The following KMT2C variants were observed in gnomAD, a reference collection of about 807,000 sequenced individuals.
KMT2C encodes histone-lysine N-methyltransferase 2C.
In KMT2C, 88 loss-of-function variants were observed where a neutral mutation model predicts 507.9. That is an observed-to-expected ratio of 0.17 (90% CI 0.15 to 0.21). The LOEUF (loss-of-function observed/expected upper bound fraction) is 0.21, where lower values mean the gene tolerates loss of function less well. Among genes scored for constraint, KMT2C ranks in the 10% least tolerant of loss-of-function variants. KMT2C has a pLI of 1.00. For synonymous variants in KMT2C, 2,049 were observed against 2,080.8 expected (o/e 0.98, Z 0.42); for missense variants, 4,954 against 5,957.8 (o/e 0.83, Z 5.55).
intron 1 of KMT2C, among the ~76,000 whole-genome samples, chr7:152,428,490 G>A (rs983819235): frequency 4.0e-5 from 6 of 149,516 alleles, no homozygotes; most frequent in African/African-American, 1.5e-4. Context: ...AACTAGCCGG[G>A]CATGGTGGTG....
At chr7:152,408,203 G>A (rs1410217077) in intron 1 of KMT2C, among the ~76,000 whole-genome samples, 2 of 152,202 alleles carry the variant, frequency 1.3e-5, no homozygotes, top group South Asian at 4.1e-4. Flanking sequence ...CATGAGAATC[G>A]CTGAATCCAG....
chr7:152,149,985 C>T (rs3800836), intron 51 of KMT2C, among the ~76,000 whole-genome samples: 84,234 of 152,062 alleles, frequency 0.55, 25,511 homozygotes, highest in African/African-American at 0.81. Context: ...GTCATCTAGC[C>T]TAGATTTTAT....
intron 1 of KMT2C, chr7:152,367,543 A>G: frequency 8.3e-7 from 1 of 1,210,026 alleles, no homozygotes. Flanking sequence ...GGGAAAGTCG[A>G]CATTAATCAA....
intron 6 of KMT2C, among the ~76,000 whole-genome samples, chr7:152,298,434 G>A (rs899492588): frequency 6.6e-6 from 1 of 152,142 alleles, no homozygotes; most frequent in Non-Finnish European, 1.5e-5. Flanking sequence ...GAAGAACAAA[G>A]ATAAGAACAA....
chr7:152,216,474 G>A (rs1300187529), intron 23 of KMT2C, among the ~76,000 whole-genome samples: 1 of 152,268 alleles, frequency 6.6e-6, no homozygotes, highest in East Asian at 1.9e-4. Context: ...ATTACATTCT[G>A]ACAACCTCAA....
intron 23 of KMT2C, among the ~76,000 whole-genome samples, chr7:152,217,806 G>GT (rs1231254728): frequency 6.6e-6 from 1 of 152,132 alleles, no homozygotes; most frequent in East Asian, 1.9e-4. Context: ...CTTTTGTGTT[G>GT]TTTTTAAAAG....
intron 16 of KMT2C, among the ~76,000 whole-genome samples, chr7:152,234,360 C>A (rs2095217157): frequency 6.6e-6 from 1 of 150,498 alleles, no homozygotes; most frequent in African/African-American, 2.4e-5. Context: ...CCAGCCTAGG[C>A]AACAAGAGCG....
intron 1 of KMT2C, among the ~76,000 whole-genome samples, chr7:152,382,132 C>T (rs200498615): frequency 2.0e-3 from 254 of 124,772 alleles, no homozygotes; most frequent in East Asian, 7.8e-3. Context: ...TGCTCTCCCT[C>T]AGGAGTAGCC....
chr7:152,232,730 G>A (rs561131344), intron 16 of KMT2C, among the ~76,000 whole-genome samples: 7 of 151,980 alleles, frequency 4.6e-5, no homozygotes, highest in Admixed American at 2.0e-4. Flanking sequence ...TAAGATTTTA[G>A]AGAATCATCC....
intron 1 of KMT2C, among the ~76,000 whole-genome samples, chr7:152,408,190 A>T (rs76444651): frequency 1.3e-5 from 2 of 151,248 alleles, no homozygotes; most frequent in Non-Finnish European, 3.0e-5. Flanking sequence ...TGGGAGGCTG[A>T]GGCATGAGAA....
intron 1 of KMT2C, among the ~76,000 whole-genome samples, chr7:152,388,469 G>C (rs2097454406): frequency 6.6e-6 from 1 of 151,988 alleles, no homozygotes; most frequent in Non-Finnish European, 1.5e-5. Flanking sequence ...TGAGGCAGAA[G>C]AATCGCTTGA....
chr7:152,427,442 G>A (rs2097829761), intron 1 of KMT2C, among the ~76,000 whole-genome samples: 1 of 152,144 alleles, frequency 6.6e-6, no homozygotes. Flanking sequence ...ACAACTTTTG[G>A]AAAGGTTTTT....
chr7:152,139,829 C>G (rs768410009), intron 55 of KMT2C, 38 bp from the exon 56 acceptor site: 2 of 1,419,784 alleles, frequency 1.4e-6, no homozygotes, highest in East Asian at 4.6e-5. Flanking sequence ...ATTTATGTGA[C>G]AACAAGTCTT....
intron 6 of KMT2C, among the ~76,000 whole-genome samples, chr7:152,289,001 T>G (rs945218431): frequency 6.6e-6 from 1 of 152,284 alleles, no homozygotes; most frequent in African/African-American, 2.4e-5. Context: ...AAATTAGTCA[T>G]GAGACAAAAC....
chr7:152,293,544 A>T (rs1158978244), intron 6 of KMT2C, among the ~76,000 whole-genome samples: 1 of 152,166 alleles, frequency 6.6e-6, no homozygotes, highest in Non-Finnish European at 1.5e-5. Context: ...CCTTCACAAG[A>T]TATTTTATGC....
At chr7:152,246,885 T>C (rs2095482452) in intron 14 of KMT2C, among the ~76,000 whole-genome samples, 1 of 152,144 alleles carries the variant, frequency 6.6e-6, no homozygotes, top group African/African-American at 2.4e-5. Flanking sequence ...TTCGTGTACC[T>C]TGTCTTTAGA....
chr7:152,182,656 G>A, intron 35 of KMT2C, 62 bp from the exon 36 acceptor site: 2 of 1,397,468 alleles, frequency 1.4e-6, no homozygotes, highest in South Asian at 2.9e-5. Context: ...TACCATCATG[G>A]GGGGAAAAAG....
At chr7:152,245,240 G>C (rs3925594) in intron 14 of KMT2C, among the ~76,000 whole-genome samples, 1 of 151,914 alleles carries the variant, frequency 6.6e-6, no homozygotes. Context: ...TGTCGATCTT[G>C]AATTCTTTTG....
chr7:152,337,888 G>A lies in KMT2C; in HGVS notation c.251-7149C>T, dbSNP rs953354122. Among the ~76,000 whole-genome samples, 8 of 147,256 alleles carry A rather than the reference G, an allele frequency of 5.4e-5. No individual in the cohort carries two copies. The East Asian group carries it at 7.9e-4, about 15-fold the overall frequency. Reference sequence around the variant, plus strand: ...TTTTTTTTTTTAAAGACAGAGTCTCGCTCTGCCGCCCAGGCTGGAGTGCAG... The same window carrying A: ...TTTTTTTTTTTAAAGACAGAGTCTCACTCTGCCGCCCAGGCTGGAGTGCAG... On this transcript the variant is annotated intron_variant, in intron 2 of 58. Transcript: ENST00000262189.
Sources: allele counts gnomAD v4.1 joint callset (sites outside exome capture counted in the v4.1 genomes callset), GRCh38; gene constraint gnomAD v4.1.1; transcripts MANE v1.5; gene names NCBI Gene and HGNC (gene_info 2026-07-23, HGNC 2026-07-21).